LRRC4C: variants seen among roughly 807,000 people sequenced by gnomAD.
The protein encoded by LRRC4C is leucine-rich repeat-containing protein 4C.
LRRC4C carries 5 observed loss-of-function variants against 33.6 expected under a neutral mutation model. The observed-to-expected ratio is 0.15, with a 90% CI of 0.08 to 0.31. The LOEUF (loss-of-function observed/expected upper bound fraction) is 0.31, where lower values mean the gene tolerates loss of function less well. Ranked by LOEUF, LRRC4C falls within the 10% of genes least tolerant of loss-of-function variation. The pLI is 1.00. For missense variants in LRRC4C, 560 were observed against 796.7 expected, an observed-to-expected ratio of 0.70 and a Z score of 3.58; for synonymous variants, 329 against 302.0, an observed-to-expected ratio of 1.09 and a Z score of -0.93.
chr11:41,241,844 G>T (rs1385144222), intron 1 of LRRC4C, among the ~76,000 whole-genome samples: 3 of 152,150 alleles, frequency 2.0e-5, no homozygotes, highest in Non-Finnish European at 2.9e-5. Context: ...CTCAGTGCAA[G>T]CCCAGTCAGT....
At chr11:41,327,592 G>A (rs1951160929) in intron 1 of LRRC4C, among the ~76,000 whole-genome samples, 1 of 152,082 alleles carries the variant, frequency 6.6e-6, no homozygotes, top group Non-Finnish European at 1.5e-5. Flanking sequence ...TTATGTTTGT[G>A]AACACCATCA....
At chr11:41,182,976 T>A (rs11822537) in intron 1 of LRRC4C, among the ~76,000 whole-genome samples, 1 of 151,650 alleles carries the variant, frequency 6.6e-6, no homozygotes, top group East Asian at 1.9e-4. Flanking sequence ...GAGAGAGAGA[T>A]TGTGCAGGGA....
At chr11:41,150,469 C>T (rs1425402294) in intron 1 of LRRC4C, among the ~76,000 whole-genome samples, 1 of 152,118 alleles carries the variant, frequency 6.6e-6, no homozygotes, top group Non-Finnish European at 1.5e-5. Context: ...GTCCTTATTT[C>T]CCTTTTTCTA....
At chr11:40,257,165 T>C (rs1459576614) in intron 4 of LRRC4C, among the ~76,000 whole-genome samples, 1 of 152,282 alleles carries the variant, frequency 6.6e-6, no homozygotes, top group South Asian at 2.1e-4. Context: ...TTTCTGACAA[T>C]ATGATGCTAA....
intron 1 of LRRC4C, among the ~76,000 whole-genome samples, chr11:41,062,866 CAG>C (rs1168512300): frequency 2.0e-5 from 3 of 151,986 alleles, no homozygotes; most frequent in African/African-American, 7.3e-5. Context: ...AAGACAGAGT[CAG>C]AGATTGGAAT....
chr11:40,716,560 C>T (rs901194512), intron 2 of LRRC4C, among the ~76,000 whole-genome samples: 2 of 151,978 alleles, frequency 1.3e-5, no homozygotes, highest in Admixed American at 6.6e-5. Context: ...GGAGGTATGT[C>T]AAGAACAGTA....
intron 3 of LRRC4C, among the ~76,000 whole-genome samples, chr11:40,557,962 A>G (rs1957396470): frequency 6.6e-6 from 1 of 152,162 alleles, no homozygotes; most frequent in Non-Finnish European, 1.5e-5. Context: ...AAACTTATCC[A>G]GATTAATAAT....
intron 2 of LRRC4C, among the ~76,000 whole-genome samples, chr11:40,886,117 A>T (rs1366073913): frequency 6.6e-6 from 1 of 152,120 alleles, no homozygotes; most frequent in East Asian, 1.9e-4. Flanking sequence ...TAATAAAGCA[A>T]CAATAAATAA....
intron 2 of LRRC4C, among the ~76,000 whole-genome samples, chr11:40,868,088 A>G (rs1422793549): frequency 6.6e-6 from 1 of 152,122 alleles, no homozygotes; most frequent in African/African-American, 2.4e-5. Flanking sequence ...TGGTTTTAAG[A>G]AAGCCTATGA....
Position 40,962,239 on chromosome 11 carries a change from G to A in LRRC4C, c.-495-28516C>T, listed in dbSNP as rs139475485. Among the ~76,000 whole-genome samples, 765 of 151,612 alleles carry A rather than the reference G, an allele frequency of 5.0e-3. 3 individuals are homozygous for A. Among genetic ancestry groups the A allele is most frequent in the Non-Finnish European group, 6.6e-3 (450 of 67,670 alleles). On this transcript the variant is annotated intron_variant, in intron 1 of 6. Transcript: ENST00000528697. The stretch of plus-strand genomic sequence containing the variant: ...CTGTGAGCTTTGAAGATCGAGGAAG[G>A]GACCATGAATCAAGCAATGGAGGGA...
intron 5 of LRRC4C, among the ~76,000 whole-genome samples, chr11:40,225,265 T>C (rs1864702998): frequency 6.6e-6 from 1 of 152,210 alleles, no homozygotes; most frequent in African/African-American, 2.4e-5. Flanking sequence ...ATGTGGCCTC[T>C]GGAGACTTTA....
intron 3 of LRRC4C, among the ~76,000 whole-genome samples, chr11:40,410,150 A>G (rs1950105880): frequency 6.6e-6 from 1 of 151,984 alleles, no homozygotes; most frequent in Non-Finnish European, 1.5e-5. Flanking sequence ...GAAAAAAAAA[A>G]TTGCTGACCA....
chr11:41,029,319 T>C (rs960829815), intron 1 of LRRC4C, among the ~76,000 whole-genome samples: 22 of 151,780 alleles, frequency 1.4e-4, no homozygotes, highest in African/African-American at 5.3e-4. Flanking sequence ...TATAGGCTTA[T>C]ACAAGCACAA....
chr11:41,172,032 C>T (rs549805728), intron 1 of LRRC4C, among the ~76,000 whole-genome samples: 3 of 152,088 alleles, frequency 2.0e-5, no homozygotes, highest in Admixed American at 1.3e-4. Context: ...AGGTAAAAGG[C>T]AAATGATGAT....
At chr11:41,437,568 G>T (rs933950775) in intron 1 of LRRC4C, among the ~76,000 whole-genome samples, 2 of 152,072 alleles carry the variant, frequency 1.3e-5, no homozygotes, top group African/African-American at 4.8e-5. Context: ...CCAGGCTTTT[G>T]TTGATTTTTC....
intron 3 of LRRC4C, among the ~76,000 whole-genome samples, chr11:40,522,769 C>G (rs925457088): frequency 6.6e-6 from 1 of 152,128 alleles, no homozygotes. Flanking sequence ...TTTGACTACT[C>G]TAGGTACTTC....
At chr11:41,318,809 A>G (rs1396749674) in intron 1 of LRRC4C, among the ~76,000 whole-genome samples, 1 of 152,218 alleles carries the variant, frequency 6.6e-6, no homozygotes, top group Non-Finnish European at 1.5e-5. Flanking sequence ...CCAGAAAAAA[A>G]AAACCTGGTG....
At chr11:41,368,473 A>T (rs924321105) in intron 1 of LRRC4C, among the ~76,000 whole-genome samples, 2 of 152,246 alleles carry the variant, frequency 1.3e-5, no homozygotes, top group African/African-American at 4.8e-5. Flanking sequence ...TAAGCAAAAT[A>T]ACTGAGTCCT....
At chr11:40,128,253 C>T (rs752805955) in intron 6 of LRRC4C, among the ~76,000 whole-genome samples, 3 of 152,188 alleles carry the variant, frequency 2.0e-5, no homozygotes, top group Non-Finnish European at 2.9e-5. Flanking sequence ...CCTGAACCTC[C>T]ATAAAAGCCG....
Sources: gnomAD v4.1 joint callset for allele counts (sites outside exome capture counted in the v4.1 genomes callset) on GRCh38, gnomAD v4.1.1 for gene constraint, MANE v1.5 for transcripts, NCBI Gene and HGNC (gene_info 2026-07-23, HGNC 2026-07-21) for gene names.